The following CCDC178 variants were observed in gnomAD, a reference collection of about 807,000 sequenced individuals.
CCDC178 encodes coiled-coil domain containing 178, also known as coiled-coil domain-containing protein 178.
CCDC178 carries 126 observed loss-of-function variants against 117.4 expected under a neutral mutation model. The observed-to-expected ratio is 1.07, with a 90% confidence interval of 0.93 to 1.24. The LOEUF (loss-of-function observed/expected upper bound fraction) is 1.24, where lower values mean the gene tolerates loss of function less well. Among genes scored for constraint, CCDC178 ranks in the 50% most tolerant of loss-of-function variants. The pLI is 0.00. For missense variants in CCDC178, 1,030 were observed against 986.9 expected, an observed-to-expected ratio of 1.04 and a Z score of -0.59; for synonymous variants, 283 against 313.4, an observed-to-expected ratio of 0.90 and a Z score of 1.02.
chr18:33,236,408 T>C (rs1171142250), intron 15 of CCDC178, among the ~76,000 whole-genome samples: 1 of 152,130 alleles, frequency 6.6e-6, no homozygotes, highest in East Asian at 1.9e-4. Flanking sequence ...CTGAAGCAGA[T>C]ATGCATGTGT....
intron 20 of CCDC178, among the ~76,000 whole-genome samples, chr18:33,121,940 G>T (rs1000780817): frequency 3.3e-5 from 5 of 152,074 alleles, no homozygotes; most frequent in African/African-American, 1.2e-4. Context: ...ATTGCCTACA[G>T]TATTCATTAC....
chr18:33,311,163 G>A (rs2062336459), intron 11 of CCDC178, among the ~76,000 whole-genome samples: 1 of 151,800 alleles, frequency 6.6e-6, no homozygotes, highest in South Asian at 2.1e-4. Flanking sequence ...ACTGGAGCAG[G>A]AAAACAAAAC....
chr18:33,328,867 T>C (rs1025022057), intron 10 of CCDC178, among the ~76,000 whole-genome samples: 1 of 152,184 alleles, frequency 6.6e-6, no homozygotes, highest in Non-Finnish European at 1.5e-5. Flanking sequence ...CTGGATTGCA[T>C]TGATTTCATA....
intron 21 of CCDC178, among the ~76,000 whole-genome samples, chr18:33,026,276 A>G (rs2056226660): frequency 6.6e-6 from 1 of 152,020 alleles, no homozygotes; most frequent in African/African-American, 2.4e-5. Flanking sequence ...GTTAATCAGC[A>G]TTTTGTATTT....
chr18:32,987,007 T>A (rs2055277904), intron 21 of CCDC178, among the ~76,000 whole-genome samples: 1 of 151,366 alleles, frequency 6.6e-6, no homozygotes, highest in Non-Finnish European at 1.5e-5. Flanking sequence ...GGTTTGGCCT[T>A]CAAGAAAAGG....
intron 14 of CCDC178, among the ~76,000 whole-genome samples, chr18:33,248,884 C>T (rs1469592010): frequency 7.9e-5 from 12 of 152,056 alleles, no homozygotes; most frequent in African/African-American, 2.7e-4. Flanking sequence ...GTCCCACCAA[C>T]AGTGTAAAAG....
At chr18:33,274,034 C>T (rs1301139866) in intron 12 of CCDC178, among the ~76,000 whole-genome samples, 2 of 151,588 alleles carry the variant, frequency 1.3e-5, no homozygotes, top group African/African-American at 2.4e-5. Context: ...AGAATACTTA[C>T]AACTCAATAA....
chr18:33,055,538 A>G (rs569516478), intron 21 of CCDC178, among the ~76,000 whole-genome samples: 50 of 152,142 alleles, frequency 3.3e-4, no homozygotes, highest in South Asian at 8.3e-4. Flanking sequence ...TTTGTTGCCC[A>G]GGCTGGTTTC....
At chr18:33,181,233 T>C (rs1246841678) in intron 20 of CCDC178, among the ~76,000 whole-genome samples, 1 of 151,982 alleles carries the variant, frequency 6.6e-6, no homozygotes, top group East Asian at 1.9e-4. Context: ...AGTTTGTGGC[T>C]GAATCTGCTA....
intron 20 of CCDC178, among the ~76,000 whole-genome samples, chr18:33,167,392 GTATTCCCT>G (rs1266418658): frequency 6.6e-6 from 1 of 152,164 alleles, no homozygotes; most frequent in Non-Finnish European, 1.5e-5. Flanking sequence ...CCGTGCATAA[GTATTCCCT>G]TTTCTCCACA....
chr18:33,375,826 AAATC>A (rs2144775744), intron 5 of CCDC178, among the ~76,000 whole-genome samples: 1 of 152,310 alleles, frequency 6.6e-6, no homozygotes, highest in East Asian at 1.9e-4. Context: ...TACTGGTGGC[AAATC>A]TGTACTGGTC....
chr18:33,110,565 T>C (rs1335015386), intron 20 of CCDC178, among the ~76,000 whole-genome samples: 3 of 151,652 alleles, frequency 2.0e-5, no homozygotes, highest in African/African-American at 7.2e-5. Context: ...CTGGGTTTTA[T>C]GTACATTGTG....
intron 11 of CCDC178, among the ~76,000 whole-genome samples, chr18:33,304,286 C>G (rs2062219390): frequency 6.6e-6 from 1 of 152,098 alleles, no homozygotes; most frequent in African/African-American, 2.4e-5. Flanking sequence ...CATCACATTG[C>G]TGGTTGTTGG....
chr18:33,114,140 T>C (rs188279928), intron 20 of CCDC178, among the ~76,000 whole-genome samples: 50 of 152,186 alleles, frequency 3.3e-4, no homozygotes, highest in Non-Finnish European at 6.0e-4. Flanking sequence ...CACCCTCATC[T>C]TTGCTACCCA....
intron 12 of CCDC178, among the ~76,000 whole-genome samples, chr18:33,283,135 G>A (rs569778779): frequency 6.6e-6 from 1 of 152,228 alleles, no homozygotes; most frequent in African/African-American, 2.4e-5. Flanking sequence ...CCCAGAGCAG[G>A]CCAAACCTCA....
intron 21 of CCDC178, among the ~76,000 whole-genome samples, chr18:33,048,787 G>A (rs927043698): frequency 1.3e-5 from 2 of 152,006 alleles, no homozygotes; most frequent in Admixed American, 1.3e-4. Context: ...AAAGAATGAG[G>A]CCTAAAAATA....
chr18:33,384,490 A>G (rs911062601), intron 5 of CCDC178, among the ~76,000 whole-genome samples: 1 of 152,164 alleles, frequency 6.6e-6, no homozygotes, highest in East Asian at 1.9e-4. Context: ...ACAAAGGGCA[A>G]CCCATCAGAC....
At chr18:33,286,837 T>C (rs981199119) in intron 12 of CCDC178, among the ~76,000 whole-genome samples, 1 of 152,204 alleles carries the variant, frequency 6.6e-6, no homozygotes, top group Admixed American at 6.5e-5. Context: ...TAAAATCAGA[T>C]ATAAATGCCT....
chr18:33,267,147 T>C, intron 13 of CCDC178, 55 bp downstream of exon 13: 1 of 1,530,934 alleles, frequency 6.5e-7, no homozygotes, highest in African/African-American at 1.4e-5. Context: ...TATGAGTTAA[T>C]ATTTGGAAAT....
Sources: allele counts gnomAD v4.1 joint callset (sites outside exome capture counted in the v4.1 genomes callset), GRCh38; gene constraint gnomAD v4.1.1; transcripts MANE v1.5; gene names NCBI Gene and HGNC (gene_info 2026-07-23, HGNC 2026-07-21).